Variants in NUP210 observed in about 807,000 individuals in gnomAD.
The protein encoded by NUP210 is nucleoporin 210.
Under a neutral mutation model 196.0 loss-of-function variants are expected in NUP210, and 151 were observed. That is an observed-to-expected ratio of 0.77 (90% confidence interval 0.67 to 0.88). The LOEUF (loss-of-function observed/expected upper bound fraction) is 0.88. NUP210 is among the 40% of genes least tolerant of loss of function. The pLI is 0.00. For synonymous variants in NUP210, 1,070 were observed against 1,052.7 expected, an observed-to-expected ratio of 1.02 and a Z score of -0.32; for missense variants, 2,314 against 2,493.7, an observed-to-expected ratio of 0.93 and a Z score of 1.53.
intron 16 of NUP210, among the ~76,000 whole-genome samples, chr3:13,357,795 A>G (rs895437211): frequency 2.0e-5 from 3 of 152,096 alleles, no homozygotes; most frequent in Non-Finnish European, 4.4e-5. Context: ...CACCCACATC[A>G]TGGGGATGCT....
intron 16 of NUP210, among the ~76,000 whole-genome samples, chr3:13,356,357 A>C (rs1279956994): frequency 2.6e-5 from 4 of 152,178 alleles, no homozygotes; most frequent in Non-Finnish European, 4.4e-5. Flanking sequence ...AAGTTCCCTA[A>C]TGACTGGCCA....
Position 13,379,410 on chromosome 3 carries a change from C to G in NUP210, c.976+153G>C, listed in dbSNP as rs1217396610. 6.6e-6 allele frequency among the ~76,000 whole-genome samples: 1 copy of G among 152,200 alleles called. No individual in the cohort carries two copies. The highest frequency in any genetic ancestry group is 1.5e-5 in the Non-Finnish European group (1 of 68,036). Reference sequence around the variant, plus strand: ...TCACCCACAGCCGTGAGCAATTCCACTCAGCAGTGCTATTTCAGTTCTTTC... The same window carrying G: ...TCACCCACAGCCGTGAGCAATTCCAGTCAGCAGTGCTATTTCAGTTCTTTC... On this transcript the variant is annotated intron_variant, in intron 7 of 39. Transcript: ENST00000254508. This position sits in a 1 kb window ranked among gnomAD's most constrained non-coding sequence, Gnocchi z 4.2.
intron 1 of NUP210, among the ~76,000 whole-genome samples, chr3:13,419,155 T>C (rs1700448670): frequency 6.6e-6 from 1 of 151,958 alleles, no homozygotes; most frequent in Non-Finnish European, 1.5e-5. Context: ...CTTGACCCAG[T>C]CTTGAAACAG....
chr3:13,412,717 TAA>T (rs752721758), intron 1 of NUP210, among the ~76,000 whole-genome samples: 7 of 137,642 alleles, frequency 5.1e-5, no homozygotes, highest in Non-Finnish European at 4.7e-5. Flanking sequence ...CCATCTCAAT[TAA>T]AAAAAAAAAA....
intron 1 of NUP210, among the ~76,000 whole-genome samples, chr3:13,406,948 G>C (rs146005632): frequency 4.6e-4 from 70 of 152,022 alleles, no homozygotes; most frequent in African/African-American, 1.5e-3. Flanking sequence ...CTCGGGGATG[G>C]GGACGTGGCT....
In NUP210 at chr3:13,420,073, C is replaced by A; in HGVS notation, c.154G>T (p.Gly52Cys). 1.5e-6 allele frequency: 2 copies of A among 1,358,464 alleles called. No individual in the cohort carries two copies. The highest frequency in any genetic ancestry group is 1.5e-5 in the South Asian group (1 of 67,540). The allele number at this position is 1,358,464 out of a possible 1,614,324, so 84.2% of individuals were successfully genotyped here. A position where few individuals can be genotyped will look rare whatever the true frequency, so the allele number is the denominator to read the frequency against. Residue 52 changes from glycine (G) to cysteine (C), a missense_variant, in exon 1 of 40, where the codon GGC becomes TGC. Transcript: ENST00000254508. This position sits in a 1 kb window ranked among gnomAD's most constrained non-coding sequence, Gnocchi z 4.8. ...RVNFTLEASE[G>C]CYRWLSTRPE... ...CGCGCGCCTCACCAGCGGTAGCAGC[C>A]CTCCGAGGCCTCCAGCGTGAAGTTA...
intron 36 of NUP210, among the ~76,000 whole-genome samples, chr3:13,320,360 G>A (rs755537249): frequency 2.6e-5 from 4 of 152,180 alleles, no homozygotes; most frequent in East Asian, 3.8e-4. Context: ...CAGGCTGGGC[G>A]CGGTTGCTCA....
intron 15 of NUP210, among the ~76,000 whole-genome samples, chr3:13,358,653 AC>A (rs1179892868): frequency 2.0e-5 from 3 of 152,028 alleles, no homozygotes; most frequent in African/African-American, 4.8e-5. Context: ...GAAGAGGTAG[AC>A]CCGGTGAGGC....
In NUP210 at chr3:13,390,382, A is replaced by C. The variant is rs1347327893; in HGVS notation, c.533+829T>G. ...CCATGCTTTTTAAAAATCACATGGC[A>C]AATCAGGAGGAAGGCGGCACAGTCG... On this transcript the variant is annotated intron_variant, in intron 4 of 39. Coordinates refer to ENST00000254508, the MANE Select transcript of NUP210 (RefSeq NM_024923.4). Among the ~76,000 whole-genome samples the C allele has an allele frequency of 4.6e-5, 7 of 152,336 alleles. No individual in the cohort carries two copies. The East Asian group carries it at 1.4e-3, about 29-fold the overall frequency.
intron 3 of NUP210, among the ~76,000 whole-genome samples, chr3:13,392,884 G>A (rs1699536638): frequency 6.6e-6 from 1 of 152,044 alleles, no homozygotes; most frequent in Non-Finnish European, 1.5e-5. Context: ...CGGCTTTGCA[G>A]TATGCTCGGT....
intron 1 of NUP210, among the ~76,000 whole-genome samples, chr3:13,405,228 T>G (rs1699967666): frequency 6.6e-6 from 1 of 152,140 alleles, no homozygotes; most frequent in Non-Finnish European, 1.5e-5. Flanking sequence ...CCTCATCCAA[T>G]CAGGTAACGG....
chr3:13,416,160 T>C (rs1278834197), intron 1 of NUP210, among the ~76,000 whole-genome samples: 2 of 152,062 alleles, frequency 1.3e-5, no homozygotes, highest in African/African-American at 4.8e-5. Context: ...CCAGACCACA[T>C]AAGAGAGGGT....
At position 13,323,179 on chromosome 3, in the gene NUP210, G is replaced by A. The variant is rs1696607474; in HGVS notation, c.4768+130C>T. On this transcript the variant is annotated intron_variant, in intron 34 of 39. Transcript: ENST00000254508. This position sits in a 1 kb window ranked among gnomAD's most constrained non-coding sequence, Gnocchi z 4.3. ...CGCTGGAAGGAGTGGATGAGTGGGG[G>A]CTAAATGCCCTCTCTGGAGTTGGTG... The A allele has an allele frequency of 9.6e-6, 11 of 1,150,668 alleles. No homozygotes were observed. Among genetic ancestry groups the A allele is most frequent in the Non-Finnish European group, 1.4e-5 (11 of 809,692 alleles). The allele number at this position is 1,150,668 out of a possible 1,614,324, so 71.3% of individuals were successfully genotyped here. A position where few individuals can be genotyped will look rare whatever the true frequency, so the allele number is the denominator to read the frequency against.
chr3:13,360,275 C>T lies in NUP210; in HGVS notation c.2149G>A (p.Glu717Lys). The T allele has an allele frequency of 6.2e-7, 1 of 1,613,866 alleles. No individual in the cohort carries two copies. Among genetic ancestry groups the T allele is most frequent in the Non-Finnish European group, 8.5e-7 (1 of 1,179,750 alleles). The change falls in exon 15 of 40, where the codon GAG (glutamate) becomes AAG (lysine). Residue 717 changes from glutamate to lysine, a missense_variant. Physicochemically the swap from Glu to Lys is moderately conservative, Grantham distance 56. Transcript: ENST00000254508. ...TGGAGCAGCTGCCCACTCACCTGCT[C>T]ACCCAAGGCCTGACAGGTCACAAGG... ...WILVTCQALG[E>K]QVIALSVGNK...
intron 39 of NUP210, among the ~76,000 whole-genome samples, chr3:13,318,283 G>A (rs1182262156): frequency 2.0e-5 from 3 of 152,114 alleles, no homozygotes; most frequent in East Asian, 1.9e-4. Flanking sequence ...GCAGAGCCGC[G>A]AGGAGGCCGA....
intron 20 of NUP210, among the ~76,000 whole-genome samples, 164 bp from the exon 21 acceptor site, chr3:13,343,467 C>A (rs961716753): frequency 2.0e-5 from 3 of 152,200 alleles, no homozygotes; most frequent in Admixed American, 6.5e-5. Context: ...AAGCAGTGGA[C>A]AAGGGAAATC....
At chr3:13,392,993 A>G (rs572429840) in intron 3 of NUP210, among the ~76,000 whole-genome samples, 74 of 152,354 alleles carry the variant, frequency 4.9e-4, no homozygotes, top group African/African-American at 1.7e-3. Flanking sequence ...TCCCTATAAT[A>G]GTGTGACCCA....
At chr3:13,355,055 G>T (rs1200610689) in intron 16 of NUP210, among the ~76,000 whole-genome samples, 2 of 152,196 alleles carry the variant, frequency 1.3e-5, no homozygotes, top group Non-Finnish European at 2.9e-5. Flanking sequence ...CCACCTCTCA[G>T]TGCCCAGGCA....
At chr3:13,413,260 G>A (rs559731156) in intron 1 of NUP210, among the ~76,000 whole-genome samples, 8 of 152,152 alleles carry the variant, frequency 5.3e-5, no homozygotes, top group Non-Finnish European at 8.8e-5. Flanking sequence ...GAGGTCAGGA[G>A]ATCGAGACCA....
Sources: gnomAD v4.1 joint callset for allele counts (sites outside exome capture counted in the v4.1 genomes callset) on GRCh38, gnomAD v4.1.1 for gene constraint, Gnocchi (gnomAD v3.1) non-coding constraint, MANE v1.5 for transcripts, NCBI Gene and HGNC (gene_info 2026-07-23, HGNC 2026-07-21) for gene names.